BMAL2: variants seen among roughly 807,000 people sequenced by gnomAD.
BMAL2 encodes basic helix-loop-helix ARNT like 2, also known as basic helix-loop-helix ARNT-like protein 2.
At chr12:27,417,830 A>G in the BMAL2 span, among the ~76,000 whole-genome samples, 1 of 151,784 alleles carries the variant, frequency 6.6e-6, no homozygotes, top group Non-Finnish European at 1.5e-5. Context: ...CATCTCTACT[A>G]AAAATACAAA....
chr12:27,375,414 A>G, the BMAL2 span, among the ~76,000 whole-genome samples: 41 of 152,226 alleles, frequency 2.7e-4, no homozygotes, highest in Non-Finnish European at 3.4e-4. Flanking sequence ...CTACGCAGAA[A>G]TATTCATGTT....
At chr12:27,423,271 C>G in the BMAL2 span, 3 of 150,138 alleles carry the variant, frequency 2.0e-5, no homozygotes, top group African/African-American at 7.3e-5. Flanking sequence ...AATATATCTA[C>G]AAATTGCACG....
At chr12:27,403,149 T>A in the BMAL2 span, among the ~76,000 whole-genome samples, 5 of 152,214 alleles carry the variant, frequency 3.3e-5, no homozygotes, top group Non-Finnish European at 7.3e-5. Context: ...TAATGTATTA[T>A]TTGTAAAAAT....
the BMAL2 span, among the ~76,000 whole-genome samples, chr12:27,348,607 C>T: frequency 2.0e-5 from 3 of 152,034 alleles, no homozygotes; most frequent in African/African-American, 7.2e-5. Flanking sequence ...ATATATTTTC[C>T]TTATACTTTT....
At chr12:27,395,999 A>G in the BMAL2 span, among the ~76,000 whole-genome samples, 145 of 152,302 alleles carry the variant, frequency 9.5e-4, 1 homozygote, top group African/African-American at 3.3e-3. Flanking sequence ...TACAGGGTGA[A>G]TTGTTTTCCC....
At chr12:27,367,767 ATATATATATAATGTGTG>A in the BMAL2 span, among the ~76,000 whole-genome samples, 1 of 151,062 alleles carries the variant, frequency 6.6e-6, no homozygotes, top group South Asian at 2.1e-4. Context: ...AAATGTGTCT[ATATATATATAATGTGTG>A]TATATATATA....
At chr12:27,420,480 AGG>A in the BMAL2 span, 1 of 1,613,606 alleles carries the variant, frequency 6.2e-7, no homozygotes, top group South Asian at 1.1e-5. Context: ...TTAGAAGCAG[AGG>A]GGGGCCTGGG....
the BMAL2 span, chr12:27,389,407 A>ATTGT: frequency 1.5e-6 from 1 of 677,362 alleles, no homozygotes; most frequent in African/African-American, 1.8e-5. Context: ...TCAAGAGAGA[A>ATTGT]TTGTTTTGTA....
chr12:27,404,105 G>A, the BMAL2 span, among the ~76,000 whole-genome samples: 1 of 150,778 alleles, frequency 6.6e-6, no homozygotes, highest in Non-Finnish European at 1.5e-5. Context: ...GAGAGGGGCT[G>A]GTGGGGCAGT....
At chr12:27,383,169 T>C in the BMAL2 span, among the ~76,000 whole-genome samples, 2 of 152,322 alleles carry the variant, frequency 1.3e-5, no homozygotes, top group African/African-American at 4.8e-5. Context: ...TTTATAGCTA[T>C]GTGACTTACT....
At chr12:27,368,394 G>A in the BMAL2 span, 4 of 1,614,006 alleles carry the variant, frequency 2.5e-6, no homozygotes, top group Admixed American at 5.0e-5. Flanking sequence ...CGCAAAGGAA[G>A]TGATTCAGAC....
the BMAL2 span, among the ~76,000 whole-genome samples, chr12:27,338,723 A>G: frequency 1.3e-5 from 2 of 152,220 alleles, no homozygotes; most frequent in African/African-American, 4.8e-5. Flanking sequence ...TTCCTGCTCT[A>G]CAAAAGGAAA....
the BMAL2 span, chr12:27,420,623 ATTGT>A: frequency 1.5e-6 from 2 of 1,330,946 alleles, no homozygotes; most frequent in South Asian, 3.4e-5. Context: ...CTGTATTGAT[ATTGT>A]TTGTATCTTT....
chr12:27,339,991 T>A, the BMAL2 span, among the ~76,000 whole-genome samples: 1 of 152,258 alleles, frequency 6.6e-6, no homozygotes, highest in African/African-American at 2.4e-5. Flanking sequence ...AGATGCTGGA[T>A]ATTAGATCTT....
At chr12:27,379,431 G>C in the BMAL2 span, among the ~76,000 whole-genome samples, 52 of 152,314 alleles carry the variant, frequency 3.4e-4, no homozygotes, top group African/African-American at 1.2e-3. Flanking sequence ...AGTGAGGAGA[G>C]AGCGGTGCTA....
the BMAL2 span, among the ~76,000 whole-genome samples, chr12:27,347,618 T>TA: frequency 4.9e-4 from 75 of 152,062 alleles, no homozygotes; most frequent in African/African-American, 1.7e-3. Flanking sequence ...TAGCTTTTTT[T>TA]TAAAAAAAAT....
chr12:27,369,377 CTT>C, the BMAL2 span, among the ~76,000 whole-genome samples: 1 of 152,046 alleles, frequency 6.6e-6, no homozygotes, highest in African/African-American at 2.4e-5. Flanking sequence ...TCCCAATACA[CTT>C]TATAATTTAG....
the BMAL2 span, among the ~76,000 whole-genome samples, chr12:27,365,917 C>A: frequency 9.9e-5 from 15 of 151,520 alleles, no homozygotes; most frequent in Non-Finnish European, 2.1e-4. Flanking sequence ...TTTCTGATTT[C>A]TTAAATTATT....
chr12:27,374,104 A>C, the BMAL2 span, among the ~76,000 whole-genome samples: 1 of 152,190 alleles, frequency 6.6e-6, no homozygotes, highest in Non-Finnish European at 1.5e-5. Context: ...AAGGAGGCAA[A>C]TTCACTCAGT....
Sources: allele counts gnomAD v4.1 joint callset (sites outside exome capture counted in the v4.1 genomes callset), GRCh38; gene constraint gnomAD v4.1.1; transcripts MANE v1.5; gene names NCBI Gene and HGNC (gene_info 2026-07-23, HGNC 2026-07-21).